The following UBP1 variants were observed in gnomAD, a reference collection of about 807,000 sequenced individuals.
UBP1 encodes the protein upstream binding protein 1.
In UBP1, 22 loss-of-function variants were observed where a neutral mutation model predicts 76.1. That is an observed-to-expected ratio of 0.29 (90% CI 0.21 to 0.41). The LOEUF (loss-of-function observed/expected upper bound fraction) is 0.41, where lower values mean the gene tolerates loss of function less well. Ranked by LOEUF, UBP1 falls within the 10% of genes least tolerant of loss-of-function variation. UBP1 has a pLI of 1.00. For missense variants in UBP1, 436 were observed against 668.1 expected, an observed-to-expected ratio of 0.65 and a Z score of 3.83; for synonymous variants, 224 against 237.1, an observed-to-expected ratio of 0.94 and a Z score of 0.51.
intron 8 of UBP1, among the ~76,000 whole-genome samples, chr3:33,404,731 A>G (rs1290760030): frequency 1.3e-5 from 2 of 152,208 alleles, no homozygotes; most frequent in Non-Finnish European, 2.9e-5. Flanking sequence ...TGCTATCAAA[A>G]TAATTCAGGA....
intron 5 of UBP1, among the ~76,000 whole-genome samples, chr3:33,409,985 G>A (rs2044527727): frequency 6.6e-6 from 1 of 152,162 alleles, no homozygotes; most frequent in Admixed American, 6.5e-5. Context: ...TCACTTCATT[G>A]TTTAGAGCTT....
rs2043843337 is a variant in UBP1, at chr3:33,393,390, C to T, written c.1455G>A (p.Val485=). 1 of 1,613,448 alleles carries T rather than the reference C, an allele frequency of 6.2e-7. No homozygotes were observed. The highest frequency in any genetic ancestry group is 8.5e-7 in the Non-Finnish European group (1 of 1,179,748). Residue 485 remains valine (V), a synonymous_variant, in exon 14 of 16, where the codon GTG becomes GTA. Coordinates refer to ENST00000283629, the MANE Select transcript of UBP1 (RefSeq NM_014517.5). ...ASEVARKLAL[V]FNIPLHQINQ... ...TAATTTGGTGGAGAGGGATATTAAA[C>T]ACCAGCGCAAGTTTTCGAGCAACTT...
chr3:33,389,289 G>A lies in UBP1; in HGVS notation c.*1042C>T, dbSNP rs996195625. The A allele has an allele frequency of 1.3e-5, 2 of 152,496 alleles. No homozygotes were observed. The highest frequency in any genetic ancestry group is 1.3e-4 in the Admixed American group (2 of 15,264). The allele number at this position is 152,496 out of a possible 1,614,324, so 9.4% of individuals were successfully genotyped here. A position where few individuals can be genotyped will look rare whatever the true frequency, so the allele number is the denominator to read the frequency against. Reference sequence around the variant, plus strand: ...TTTGAGAGGCTTAAGGGATTTGTATGGTACATTTTAGTGTTTGATTGATAA... The same window carrying A: ...TTTGAGAGGCTTAAGGGATTTGTATAGTACATTTTAGTGTTTGATTGATAA... On this transcript the variant is annotated 3_prime_UTR_variant, in exon 16 of 16. Transcript: ENST00000283629.
chr3:33,412,206 AGAT>A (rs1407321550), intron 4 of UBP1, among the ~76,000 whole-genome samples: 1 of 147,618 alleles, frequency 6.8e-6, no homozygotes, highest in Non-Finnish European at 1.5e-5. Context: ...AAAAAAAAAA[AGAT>A]AGATGGTTTA....
At chr3:33,413,490 T>C (rs1020081399) in intron 3 of UBP1, among the ~76,000 whole-genome samples, 1 of 138,894 alleles carries the variant, frequency 7.2e-6, no homozygotes, top group Non-Finnish European at 1.5e-5. Flanking sequence ...GAGCTTGCAG[T>C]GAGCCAAGTT....
chr3:33,420,304 A>C (rs6765153), intron 2 of UBP1, among the ~76,000 whole-genome samples: 57,536 of 151,914 alleles, frequency 0.38, 11,848 homozygotes, highest in East Asian at 0.6. Flanking sequence ...GTTTCTAGGG[A>C]CTTATAGCTG....
intron 13 of UBP1, among the ~76,000 whole-genome samples, chr3:33,393,926 A>C (rs1299577594): frequency 6.6e-6 from 1 of 152,192 alleles, no homozygotes; most frequent in African/African-American, 2.4e-5. Flanking sequence ...ATGGTATGTA[A>C]ATTATGCCTG....
In UBP1 at chr3:33,402,060, G is replaced by A. The variant is rs190589884; in HGVS notation, c.1031+741C>T. Among the ~76,000 whole-genome samples the A allele has an allele frequency of 3.2e-3, 484 of 152,268 alleles. 2 individuals are homozygous for A. The highest frequency in any genetic ancestry group is 6.1e-3 in the Non-Finnish European group (418 of 68,028). On this transcript the variant is annotated intron_variant, in intron 9 of 15. Transcript: ENST00000283629. ...CTCATCAGACCTTGTCAGCATGACC[G>A]GAGAACCTTTTTCTTTGTGATCTTA...
At chr3:33,416,889 TTAACA>T (rs1232752774) in intron 2 of UBP1, 55 bp from the exon 3 acceptor site, 30 of 1,413,612 alleles carry the variant, frequency 2.1e-5, no homozygotes, top group Non-Finnish European at 2.5e-5. Flanking sequence ...ATCACTTTGC[TTAACA>T]TAATTCAAAA....
At chr3:33,393,570 A>G (rs1285013433) in intron 13 of UBP1, 116 bp from the exon 14 acceptor site, 6 of 930,984 alleles carry the variant, frequency 6.4e-6, no homozygotes, top group Non-Finnish European at 8.9e-6. Context: ...AAAAAGTAAA[A>G]AAACATTTTA....
chr3:33,397,621 T>A (rs2044056621), intron 11 of UBP1: 1 of 152,340 alleles, frequency 6.6e-6, no homozygotes, highest in Non-Finnish European at 1.5e-5. Flanking sequence ...GGCCTCTTTA[T>A]TCTGAAACGT....
At chr3:33,439,688 C>T in intron 1 of UBP1, 48 bp downstream of exon 1, 3 of 1,593,490 alleles carry the variant, frequency 1.9e-6, no homozygotes, top group Non-Finnish European at 2.6e-6. Context: ...GCTGCGCAGG[C>T]CTTCCCCAAG....
chr3:33,439,529 G>A (rs1320633593), intron 1 of UBP1, among the ~76,000 whole-genome samples: 2 of 152,224 alleles, frequency 1.3e-5, no homozygotes, highest in African/African-American at 4.8e-5. Context: ...GACGCTTGCG[G>A]GGCCATCCTC....
At chr3:33,399,673 G>A (rs1391440900) in intron 11 of UBP1, among the ~76,000 whole-genome samples, 6 of 152,296 alleles carry the variant, frequency 3.9e-5, no homozygotes, top group South Asian at 2.1e-4. Flanking sequence ...GTGTGACTCC[G>A]AAGGGGTAGC....
chr3:33,391,935 G>A (rs1210073947), intron 15 of UBP1: 6 of 152,526 alleles, frequency 3.9e-5, no homozygotes, highest in Non-Finnish European at 7.3e-5. Context: ...GCCCTGATCC[G>A]CTCACCCTCA....
intron 11 of UBP1, among the ~76,000 whole-genome samples, chr3:33,398,864 C>A (rs2044113131): frequency 6.6e-6 from 1 of 152,178 alleles, no homozygotes; most frequent in Admixed American, 6.5e-5. Context: ...ACCCCAGCTC[C>A]CCGACCCTGA....
rs774167113 is a variant in UBP1 at position 33,396,166 on chromosome 3, G to A, written c.1386C>T (p.Pro462=). 1 of 1,576,210 alleles carries A rather than the reference G, an allele frequency of 6.3e-7. No individual in the cohort carries two copies. The highest frequency in any genetic ancestry group is 8.7e-7 in the Non-Finnish European group (1 of 1,150,468). The change falls in exon 13 of 16, where the codon CCC becomes CCT. Residue 462 remains proline, a synonymous_variant. Transcript: ENST00000283629. ...TGAGATGCCCTCAATACCTACCATA[G>A]GGTGCCCCACTGCCATTCTCGCTTG... ...SSASENGSGA[P]YVYHAIYLEE...
chr3:33,413,566 C>CT (rs949563875), intron 3 of UBP1, among the ~76,000 whole-genome samples: 4 of 139,612 alleles, frequency 2.9e-5, no homozygotes, highest in Admixed American at 7.3e-5. Flanking sequence ...AAAAAAAAAA[C>CT]TTTGAGTTTT....
At chr3:33,438,133 G>C (rs1024372193) in intron 1 of UBP1, among the ~76,000 whole-genome samples, 1 of 152,134 alleles carries the variant, frequency 6.6e-6, no homozygotes, top group East Asian at 1.9e-4. Context: ...CATCAAGATT[G>C]TACTTCCTTT....
Sources: gnomAD v4.1 joint callset for allele counts (sites outside exome capture counted in the v4.1 genomes callset) on GRCh38, gnomAD v4.1.1 for gene constraint, MANE v1.5 for transcripts, NCBI Gene and HGNC (gene_info 2026-07-23, HGNC 2026-07-21) for gene names.